EGFR: variants seen among roughly 807,000 people sequenced by gnomAD.
EGFR encodes avian erythroblastic leukemia viral (v-erb-b) oncogene homolog.
A neutral mutation model predicts 143.0 loss-of-function variants in EGFR; 58 were observed. The ratio of observed to expected loss-of-function variants is 0.41; its 90% confidence interval spans 0.33 to 0.50. EGFR has a LOEUF of 0.50. EGFR is among the 20% of genes least tolerant of loss of function. The pLI is 0.39. For missense variants in EGFR, 1,307 were observed against 1,579.0 expected (o/e 0.83, Z 2.92); for synonymous variants, 613 against 594.4 (o/e 1.03, Z -0.45).
intron 14 of EGFR, among the ~76,000 whole-genome samples, 191 bp downstream of exon 14, chr7:55,164,014 C>T (rs1049352348): frequency 2.6e-5 from 4 of 152,200 alleles, no homozygotes; most frequent in African/African-American, 4.8e-5. Flanking sequence ...CATTAGCCTG[C>T]GATGAACATT....
intron 20 of EGFR, among the ~76,000 whole-genome samples, chr7:55,185,852 C>G (rs1787111883): frequency 6.6e-6 from 1 of 152,214 alleles, no homozygotes; most frequent in South Asian, 2.1e-4. Flanking sequence ...AAATTTAATG[C>G]AGATGAACAT....
chr7:55,092,112 G>C (rs185718504), intron 1 of EGFR, among the ~76,000 whole-genome samples: 1 of 152,008 alleles, frequency 6.6e-6, no homozygotes, highest in Admixed American at 6.6e-5. Context: ...TGTTTAATGC[G>C]GGCTACCTCT....
intron 1 of EGFR, among the ~76,000 whole-genome samples, chr7:55,109,259 A>G (rs1369899543): frequency 2.0e-5 from 3 of 152,220 alleles, no homozygotes; most frequent in African/African-American, 4.8e-5. Flanking sequence ...TGCAACCTAA[A>G]CAAAAGGGGT....
intron 1 of EGFR, among the ~76,000 whole-genome samples, chr7:55,127,642 G>C (rs1260256141): frequency 1.3e-5 from 2 of 152,138 alleles, no homozygotes; most frequent in African/African-American, 4.8e-5. Flanking sequence ...CACTCATATA[G>C]CCATTAGGAC....
intron 1 of EGFR, among the ~76,000 whole-genome samples, chr7:55,100,239 C>A (rs1322748309): frequency 6.6e-6 from 1 of 152,200 alleles, no homozygotes; most frequent in African/African-American, 2.4e-5. Context: ...CCCTGGGTCA[C>A]CTGACCTAGT....
intron 1 of EGFR, among the ~76,000 whole-genome samples, chr7:55,025,715 G>C (rs1786842032): frequency 1.3e-5 from 2 of 152,176 alleles, no homozygotes; most frequent in Admixed American, 1.3e-4. Context: ...GGCTCCACCT[G>C]TCTCATGCTC....
intron 20 of EGFR, among the ~76,000 whole-genome samples, chr7:55,185,656 A>T (rs2075105): frequency 0.58 from 87,813 of 151,820 alleles, 26,056 homozygotes; most frequent in Middle Eastern, 0.69. Flanking sequence ...TTGAGTGTTC[A>T]GGCAGACACT....
intron 24 of EGFR, among the ~76,000 whole-genome samples, chr7:55,200,985 G>A (rs1271415401): frequency 6.6e-6 from 1 of 152,162 alleles, no homozygotes; most frequent in East Asian, 1.9e-4. Flanking sequence ...AAGCATCAAA[G>A]GATGGTTCAT....
chr7:55,164,448 G>A (rs1203903119), intron 14 of EGFR, among the ~76,000 whole-genome samples: 1 of 152,166 alleles, frequency 6.6e-6, no homozygotes, highest in African/African-American at 2.4e-5. Context: ...TCTCTAAATT[G>A]GGCAGAAGAT....
intron 1 of EGFR, among the ~76,000 whole-genome samples, chr7:55,094,760 T>A (rs1196058206): frequency 6.6e-6 from 1 of 152,250 alleles, no homozygotes; most frequent in Non-Finnish European, 1.5e-5. Flanking sequence ...TTTCTATACA[T>A]CTTAATTGAT....
chr7:55,174,675 C>T (rs1204228001), intron 18 of EGFR, 47 bp from the exon 19 acceptor site: 5 of 1,475,042 alleles, frequency 3.4e-6, no homozygotes, highest in South Asian at 1.1e-5. Flanking sequence ...GCATGTGGCA[C>T]CATCTCACAA....
chr7:55,022,309 C>A (rs530759333), intron 1 of EGFR, among the ~76,000 whole-genome samples: 1 of 152,174 alleles, frequency 6.6e-6, no homozygotes, highest in Non-Finnish European at 1.5e-5. Context: ...AATAAGCCCG[C>A]CCAGCCCCAC....
At chr7:55,203,092 AAC>A (rs17290748) in intron 27 of EGFR, 1 of 269,504 alleles carries the variant, frequency 3.7e-6, no homozygotes, top group Non-Finnish European at 7.1e-6. Flanking sequence ...ATAACCTGCT[AAC>A]ACACACACAT....
chr7:55,098,398 G>A (rs996169329), intron 1 of EGFR, among the ~76,000 whole-genome samples: 18 of 152,082 alleles, frequency 1.2e-4, no homozygotes, highest in Non-Finnish European at 1.9e-4. Context: ...GCTCAGAGAC[G>A]TGATGGCAAC....
At chr7:55,162,166 A>G (rs1315474861) in intron 13 of EGFR, among the ~76,000 whole-genome samples, 2 of 152,258 alleles carry the variant, frequency 1.3e-5, no homozygotes, top group African/African-American at 4.8e-5. Flanking sequence ...GTTGCAATCA[A>G]TAAAAAGTGC....
chr7:55,174,704 C>T lies in EGFR; in HGVS notation c.2185-18C>T, dbSNP rs756085076. The T allele has an allele frequency of 6.2e-7, 1 of 1,603,784 alleles. No individual in the cohort carries two copies. Among genetic ancestry groups the T allele is most frequent in the Admixed American group, 1.7e-5 (1 of 59,992 alleles). Reference sequence around the variant, plus strand: ...CTCACAATTGCCAGTTAACGTCTTCCTTCTCTCTCTGTCATAGGGACTCTG... The same window carrying T: ...CTCACAATTGCCAGTTAACGTCTTCTTTCTCTCTCTGTCATAGGGACTCTG... On this transcript the variant is annotated intron_variant, in intron 18 of 27. Coordinates refer to ENST00000275493, the MANE Select transcript of EGFR (RefSeq NM_005228.5).
chr7:55,182,546 A>T (rs1786934064), intron 20 of EGFR: 1 of 152,228 alleles, frequency 6.6e-6, no homozygotes, highest in South Asian at 2.1e-4. Context: ...ACCACCAGGC[A>T]GGCTGTTGCT....
intron 26 of EGFR, 122 bp from the exon 27 acceptor site, chr7:55,202,395 T>C (rs1450116693): frequency 4.5e-5 from 37 of 831,250 alleles, no homozygotes; most frequent in Middle Eastern, 3.4e-4. Context: ...GGGTGCAGAC[T>C]CTCAGGCCTG....
chr7:55,114,673 C>T (rs1792721522), intron 1 of EGFR, among the ~76,000 whole-genome samples: 1 of 151,854 alleles, frequency 6.6e-6, no homozygotes, highest in African/African-American at 2.4e-5. Flanking sequence ...GAACCTTTGG[C>T]TTTGAGATGA....
Sources: allele counts gnomAD v4.1 joint callset (sites outside exome capture counted in the v4.1 genomes callset), GRCh38; gene constraint gnomAD v4.1.1; transcripts MANE v1.5; gene names NCBI Gene and HGNC (gene_info 2026-07-23, HGNC 2026-07-21).